Variants in PTPRC observed in about 807,000 individuals in gnomAD.
PTPRC encodes receptor-type tyrosine-protein phosphatase C.
Under a neutral mutation model 155.9 loss-of-function variants are expected in PTPRC, and 44 were observed. That is an observed-to-expected ratio of 0.28 (90% CI 0.22 to 0.36). PTPRC has a LOEUF of 0.36. Ranked by LOEUF, PTPRC falls within the 10% of genes least tolerant of loss-of-function variation. The pLI, the probability that PTPRC is intolerant of heterozygous loss-of-function variation, is 1.00. For missense variants in PTPRC, 1,401 were observed against 1,564.6 expected (o/e 0.90, Z 1.76); for synonymous variants, 525 against 533.1 (o/e 0.98, Z 0.21).
At chr1:198,707,082 C>T (rs1229353193) in intron 9 of PTPRC, 130 bp downstream of exon 9, 2 of 739,892 alleles carry the variant, frequency 2.7e-6, no homozygotes, top group African/African-American at 3.6e-5. Context: ...TCCTTGGAAA[C>T]AAGTGGGTGA....
In PTPRC at chr1:198,696,880, T is replaced by C; in HGVS notation, c.269T>C (p.Leu90Ser). The change falls in exon 4 of 33, where the codon TTG becomes TCG. Residue 90 changes from leucine (L) to serine (S), a missense_variant. Transcript: ENST00000442510. ...NTSTQVSPDS[L>S]DNASAFNTTG... ...TCCACCCAAGTATCCCCGGACTCTT[T>C]GGATAATGCTAGTGCTTTTAATACC... 3 of 1,614,056 alleles carry C rather than the reference T, an allele frequency of 1.9e-6. No homozygotes were observed. The highest frequency in any genetic ancestry group is 2.5e-6 in the Non-Finnish European group (3 of 1,179,900).
In PTPRC at chr1:198,713,020, T is replaced by C; in HGVS notation, c.1239T>C (p.Asn413=). The change falls in exon 12 of 33, where the codon AAT becomes AAC. Residue 413 remains asparagine (N), a synonymous_variant. Coordinates refer to ENST00000442510, the MANE Select transcript of PTPRC (RefSeq NM_002838.5). ...EAAHQGVITW[N]PPQRSFHNFT... Reference sequence around the variant, plus strand: ...CACATCAAGGAGTAATTACCTGGAATCCCCCTCAAAGATCATTTCATAATT... The same window carrying C: ...CACATCAAGGAGTAATTACCTGGAACCCCCCTCAAAGATCATTTCATAATT... 6.2e-7 allele frequency: 1 copy of C among 1,613,794 alleles called. No homozygotes were observed. The highest frequency in any genetic ancestry group is 8.5e-7 in the Non-Finnish European group (1 of 1,179,792).
chr1:198,710,498 A>G (rs558880448), intron 11 of PTPRC, among the ~76,000 whole-genome samples: 25 of 152,208 alleles, frequency 1.6e-4, no homozygotes, highest in Non-Finnish European at 3.5e-4. Context: ...CAGGGATTGC[A>G]TTGAATCTGT....
At chr1:198,669,370 T>C (rs1284560697) in intron 2 of PTPRC, among the ~76,000 whole-genome samples, 6 of 152,212 alleles carry the variant, frequency 3.9e-5, no homozygotes, top group Non-Finnish European at 5.9e-5. Context: ...CTGCACCCAA[T>C]GTCCTCCTTT....
At chr1:198,704,622 G>C in intron 8 of PTPRC, 124 bp downstream of exon 8, 1 of 1,557,920 alleles carries the variant, frequency 6.4e-7, no homozygotes, top group Non-Finnish European at 8.8e-7. Context: ...ATTTCTCACC[G>C]ATGACTAGTC....
At position 198,756,244 on chromosome 1, in the gene PTPRC, G is replaced by A. The variant is rs141518131; in HGVS notation, c.*63G>A. 163 of 1,591,530 alleles carry A rather than the reference G, an allele frequency of 1.0e-4. 1 individual carries two copies. The African/African-American group carries it at 2.1e-3, about 20-fold the overall frequency. On this transcript the variant is annotated 3_prime_UTR_variant, in exon 33 of 33. Coordinates refer to ENST00000442510, the MANE Select transcript of PTPRC (RefSeq NM_002838.5). ...AGCTGTTATTTCTATTTTTGTAGAA[G>A]TAGGAAGTGAAAATAGGTATACAGT... is the stretch of plus-strand genomic sequence containing the variant.
intron 3 of PTPRC, chr1:198,693,888 CT>C: frequency 8.7e-7 from 1 of 1,147,176 alleles, no homozygotes; most frequent in Non-Finnish European, 1.1e-6. Flanking sequence ...AGGAATGCTA[CT>C]CATCAAAATA....
intron 2 of PTPRC, among the ~76,000 whole-genome samples, chr1:198,655,573 CTGAGATTCTGGT>C (rs1349240031): frequency 6.6e-6 from 1 of 151,860 alleles, no homozygotes; most frequent in Non-Finnish European, 1.5e-5. Context: ...CTTCACTAGA[CTGAGATTCTGGT>C]ATGTGGTATT....
chr1:198,675,659 C>A (rs915157364), intron 2 of PTPRC, among the ~76,000 whole-genome samples: 1 of 152,100 alleles, frequency 6.6e-6, no homozygotes, highest in Non-Finnish European at 1.5e-5. Flanking sequence ...AGACGTAAGA[C>A]TATTTTTATA....
intron 29 of PTPRC, among the ~76,000 whole-genome samples, chr1:198,751,866 C>T (rs1452756535): frequency 6.6e-6 from 1 of 151,976 alleles, no homozygotes; most frequent in Non-Finnish European, 1.5e-5. Flanking sequence ...GACAGTGGGA[C>T]CTGAGTTATT....
intron 12 of PTPRC, 77 bp from the exon 13 acceptor site, chr1:198,716,605 T>A (rs549803657): frequency 7.6e-7 from 1 of 1,310,788 alleles, no homozygotes; most frequent in East Asian, 2.3e-5. Flanking sequence ...CAATGTGATG[T>A]AGAGACCAAA....
rs1283989331 is a variant in PTPRC, at chr1:198,709,727, C to T, written c.1074C>T (p.Asn358=). 6 of 1,603,048 alleles carry T rather than the reference C, an allele frequency of 3.7e-6. No homozygotes were observed. The highest frequency in any genetic ancestry group is 1.3e-5 in the African/African-American group (1 of 74,562). The change falls in exon 11 of 33, where the codon AAC becomes AAT. Residue 358 remains asparagine (N), a synonymous_variant. Transcript: ENST00000442510. The part of the protein sequence containing the change: ...IFDNKEIKLE[N]LEPEHEYKCD... ...ATAATAAAGAAATTAAATTAGAAAA[C>T]CTTGAACCCGAACATGAGTATAAGT...
chr1:198,753,294 G>C (rs929184974), intron 31 of PTPRC, among the ~76,000 whole-genome samples: 3 of 151,942 alleles, frequency 2.0e-5, no homozygotes, highest in Non-Finnish European at 4.4e-5. Flanking sequence ...CAAAGGCAAA[G>C]ATTGTGGTAA....
chr1:198,756,027 A>T lies in PTPRC; in HGVS notation c.3767A>T (p.Lys1256Met). 2 of 1,613,490 alleles carry T rather than the reference A, an allele frequency of 1.2e-6. No individual in the cohort carries two copies. The highest frequency in any genetic ancestry group is 1.7e-6 in the Non-Finnish European group (2 of 1,179,628). The change falls in exon 33 of 33, where the codon AAG (lysine) becomes ATG (methionine). Residue 1256 changes from lysine (K) to methionine (M), a missense_variant. Lys to Met is a moderately conservative substitution (Grantham distance 95). Transcript: ENST00000442510. ...TTTGATAATGAAGTGGACAAAGTAA[A>T]GCAGGATGCTAATTGTGTTAATCCA... ...IEFDNEVDKV[K>M]QDANCVNPLG...
At chr1:198,640,697 T>C (rs1662529796) in intron 2 of PTPRC, among the ~76,000 whole-genome samples, 2 of 152,014 alleles carry the variant, frequency 1.3e-5, no homozygotes, top group Admixed American at 6.6e-5. Context: ...TCATTTAAAA[T>C]TCCCACTCAG....
chr1:198,659,439 AG>A (rs1477993425), intron 2 of PTPRC, among the ~76,000 whole-genome samples: 1 of 152,086 alleles, frequency 6.6e-6, no homozygotes, highest in East Asian at 1.9e-4. Context: ...GGAGGGACAG[AG>A]GGGGCCAGTG....
intron 2 of PTPRC, among the ~76,000 whole-genome samples, chr1:198,686,752 A>G (rs949832852): frequency 2.0e-5 from 3 of 152,232 alleles, no homozygotes; most frequent in Non-Finnish European, 4.4e-5. Flanking sequence ...GTTATAAAAT[A>G]CTTTATGCAA....
chr1:198,673,936 C>T (rs1466934925), intron 2 of PTPRC, among the ~76,000 whole-genome samples: 13 of 151,922 alleles, frequency 8.6e-5, no homozygotes, highest in Admixed American at 8.5e-4. Context: ...TGATTTTTGC[C>T]ATATGGATGA....
intron 2 of PTPRC, chr1:198,679,723 G>A: frequency 5.1e-6 from 2 of 392,522 alleles, no homozygotes; most frequent in Non-Finnish European, 9.5e-6. Flanking sequence ...GGAGGCCCGA[G>A]CCCACGTAAT....
Sources: gnomAD v4.1 joint callset for allele counts (sites outside exome capture counted in the v4.1 genomes callset) on GRCh38, gnomAD v4.1.1 for gene constraint, MANE v1.5 for transcripts, NCBI Gene and HGNC (gene_info 2026-07-23, HGNC 2026-07-21) for gene names.